NHS: variants seen among roughly 807,000 people sequenced by gnomAD.
The protein encoded by NHS is NHS actin remodeling regulator, also known as actin remodeling regulator NHS.
In NHS, 5 loss-of-function variants were observed where a neutral mutation model predicts 72.5. The observed-to-expected ratio is 0.07, with a 90% CI of 0.04 to 0.14. The LOEUF (loss-of-function observed/expected upper bound fraction) is 0.14. Ranked by LOEUF, NHS falls within the 10% of genes least tolerant of loss-of-function variation. The pLI is 1.00. For missense variants in NHS, 1,072 were observed against 1,355.7 expected, an observed-to-expected ratio of 0.79 and a Z score of 3.29; for synonymous variants, 464 against 547.7, an observed-to-expected ratio of 0.85 and a Z score of 2.13.
chrX:17,608,546 C>A (rs2065693403), intron 1 of NHS, among the ~76,000 whole-genome samples: 1 of 112,145 alleles, frequency 8.9e-6, no homozygotes, highest in African/African-American at 3.2e-5. Flanking sequence ...TTCTAAATCT[C>A]AGCAGCCTTG....
At chrX:17,688,713 C>T (rs926042472) in intron 2 of NHS, among the ~76,000 whole-genome samples, 11 of 112,081 alleles carry the variant, frequency 9.8e-5, no homozygotes, top group African/African-American at 3.6e-4. Flanking sequence ...CCTTGCCATA[C>T]ACTGTGTCTC....
chrX:17,699,385 C>T (rs1404103386), intron 3 of NHS, among the ~76,000 whole-genome samples: 1 of 111,563 alleles, frequency 9.0e-6, no homozygotes, highest in Non-Finnish European at 1.9e-5. Flanking sequence ...ACACAAAGTC[C>T]AGAAAGAGAC....
intron 1 of NHS, among the ~76,000 whole-genome samples, chrX:17,380,524 G>GT (rs759314634): frequency 2.7e-5 from 3 of 109,864 alleles, no homozygotes; most frequent in African/African-American, 6.7e-5. Flanking sequence ...GGCTAATTTT[G>GT]TTTTTTTTCA....
chrX:17,385,565 G>C (rs7892298), intron 1 of NHS, among the ~76,000 whole-genome samples: 7 of 111,124 alleles, frequency 6.3e-5, no homozygotes, highest in South Asian at 7.5e-4. Flanking sequence ...TTCATTTTTT[G>C]TGTGTTCTAA....
chrX:17,550,636 G>A (rs2065329589), intron 1 of NHS, among the ~76,000 whole-genome samples: 1 of 111,797 alleles, frequency 8.9e-6, no homozygotes, highest in Non-Finnish European at 1.9e-5. Flanking sequence ...AGGAGGGAGA[G>A]GACACCCAAG....
At chrX:17,404,185 G>A (rs896544017) in intron 1 of NHS, among the ~76,000 whole-genome samples, 1 of 111,800 alleles carries the variant, frequency 8.9e-6, no homozygotes, top group African/African-American at 3.3e-5. Context: ...GCTTTGTGTC[G>A]TAATTCCCTC....
At chrX:17,533,413 A>G (rs1267394430) in intron 1 of NHS, among the ~76,000 whole-genome samples, 4 of 110,939 alleles carry the variant, frequency 3.6e-5, no homozygotes, top group African/African-American at 1.3e-4. Flanking sequence ...CAGCCTCCCA[A>G]GTAGCTGGGA....
At position 17,726,597 on chromosome X, in the gene NHS, G is replaced by T; in HGVS notation, c.2491G>T (p.Asp831Tyr). The change falls in exon 7 of 9, where the codon GAC becomes TAC. Residue 831 changes from aspartate to tyrosine, a missense_variant. Coordinates refer to ENST00000676302, the MANE Select transcript of NHS (RefSeq NM_001291867.2). Reference protein sequence around the residue: ...LPDCAWQDYLDHKRQGRPSIS... With the variant: ...LPDCAWQDYLYHKRQGRPSIS... ...AGATTGTGCCTGGCAGGACTACTTA[G>T]ACCACAAGAGGCAGGGAAGACCAAG... The T allele has an allele frequency of 8.3e-7, 1 of 1,211,929 alleles. No individual in the cohort carries two copies. The highest frequency in any genetic ancestry group is 1.1e-6 in the Non-Finnish European group (1 of 895,601).
chrX:17,633,167 T>C (rs180683721), intron 1 of NHS, among the ~76,000 whole-genome samples: 88 of 111,691 alleles, frequency 7.9e-4, no homozygotes, highest in Non-Finnish European at 1.1e-3. Context: ...TGAGTAATAA[T>C]CTACTCCTCA....
chrX:17,502,549 G>T (rs2065040573), intron 1 of NHS, among the ~76,000 whole-genome samples: 1 of 18,498 alleles, frequency 5.4e-5, no homozygotes, highest in Non-Finnish European at 1.6e-4. Context: ...CAGCACTTTG[G>T]GAGGCCGAGG....
At chrX:17,618,303 C>T (rs1219569653) in intron 1 of NHS, among the ~76,000 whole-genome samples, 2 of 112,036 alleles carry the variant, frequency 1.8e-5, no homozygotes, top group Non-Finnish European at 3.8e-5. Flanking sequence ...ACAGTTACAG[C>T]CAAATCCACA....
At chrX:17,424,390 G>A (rs2064639048) in intron 1 of NHS, among the ~76,000 whole-genome samples, 2 of 111,506 alleles carry the variant, frequency 1.8e-5, no homozygotes, top group South Asian at 7.7e-4. Flanking sequence ...TTCTGTGCAG[G>A]TCCCTACAGT....
At chrX:17,384,665 C>T (rs2064396234) in intron 1 of NHS, among the ~76,000 whole-genome samples, 1 of 112,135 alleles carries the variant, frequency 8.9e-6, no homozygotes, top group Non-Finnish European at 1.9e-5. Context: ...CACTTCTAGT[C>T]TAGTTTTAAT....
At chrX:17,418,038 C>T (rs2064605459) in intron 1 of NHS, among the ~76,000 whole-genome samples, 1 of 111,839 alleles carries the variant, frequency 8.9e-6, no homozygotes, top group African/African-American at 3.3e-5. Context: ...TTGCAAAGTC[C>T]TGGAAAAGCA....
At chrX:17,555,677 T>C (rs890228285) in intron 1 of NHS, among the ~76,000 whole-genome samples, 2 of 112,011 alleles carry the variant, frequency 1.8e-5, no homozygotes, top group Non-Finnish European at 3.8e-5. Context: ...TAATTTCCAC[T>C]CTTCCAATCC....
At chrX:17,678,387 G>A (rs2066099971) in intron 1 of NHS, among the ~76,000 whole-genome samples, 3 of 110,806 alleles carry the variant, frequency 2.7e-5, no homozygotes, top group Admixed American at 1.9e-4. Context: ...AAAGAGAAGA[G>A]GTTTAATTGG....
intron 1 of NHS, among the ~76,000 whole-genome samples, chrX:17,634,511 G>A (rs1044133904): frequency 1.5e-4 from 17 of 111,600 alleles, no homozygotes; most frequent in African/African-American, 5.2e-4. Flanking sequence ...GGCTCAGGTG[G>A]GAGGCAAATC....
At position 17,735,543 on chromosome X, in the gene NHS, A is replaced by G. The variant is rs1007852205; in HGVS notation, c.*3079A>G. The G allele has an allele frequency of 8.9e-6, 1 of 112,822 alleles. No homozygotes were observed. Among genetic ancestry groups the G allele is most frequent in the Admixed American group, 9.4e-5 (1 of 10,674 alleles). The allele number at this position is 112,822 out of a possible 1,213,427, so 9.3% of individuals were successfully genotyped here. A position where few individuals can be genotyped will look rare whatever the true frequency, so the allele number is the denominator to read the frequency against. On this transcript the variant is annotated 3_prime_UTR_variant, in exon 9 of 9. Transcript: ENST00000676302. The stretch of plus-strand genomic sequence containing the variant: ...TAAGTAGAGGACATGGACTAGTTGT[A>G]GCAAACAGAACATGCTGTTTGCTCT...
At position 17,375,851 on chromosome X, in the gene NHS, G is replaced by C. The variant is rs1465452744; in HGVS notation, c.94G>C (p.Ala32Pro). 1.8e-6 allele frequency: 2 copies of C among 1,129,870 alleles called. No homozygotes were observed. Among genetic ancestry groups the C allele is most frequent in the Non-Finnish European group, 2.3e-6 (2 of 862,987 alleles). The allele number at this position is 1,129,870 out of a possible 1,213,427, so 93.1% of individuals were successfully genotyped here. Residue 32 changes from alanine to proline, a missense_variant, in exon 1 of 9, where the codon GCT becomes CCT. Physicochemically the swap from Ala to Pro is conservative, Grantham distance 27. Transcript: ENST00000676302. ...AGCAGTGGACGCGAGCGGAGGCAGC[G>C]CTGAGCCGCCGCCGCCCTTGCAGCC... ...GPAVDASGGS[A>P]EPPPPLQPPG...
Sources: gnomAD v4.1 joint callset for allele counts (sites outside exome capture counted in the v4.1 genomes callset) on GRCh38, gnomAD v4.1.1 for gene constraint, MANE v1.5 for transcripts, NCBI Gene and HGNC (gene_info 2026-07-23, HGNC 2026-07-21) for gene names.